The following LRP1B variants were observed in gnomAD, a reference collection of about 807,000 sequenced individuals.
The protein encoded by LRP1B is LDL receptor related protein 1B.
LRP1B carries 217 observed loss-of-function variants against 556.6 expected under a neutral mutation model. That is an observed-to-expected ratio of 0.39 (90% CI 0.35 to 0.44). The LOEUF is 0.44. LRP1B is among the 20% of genes least tolerant of loss of function. The probability of loss-of-function intolerance (pLI) is 1.00; values close to 1 mark genes in which losing one functional copy is unlikely to be tolerated. For synonymous variants in LRP1B, 2,047 were observed against 1,865.8 expected (o/e 1.10, Z -2.50); for missense variants, 5,053 against 5,620.8 (o/e 0.90, Z 3.23).
intron 52 of LRP1B, 55 bp downstream of exon 52, chr2:140,509,873 A>G (rs2104916210): frequency 6.3e-7 from 1 of 1,579,532 alleles, no homozygotes; most frequent in Non-Finnish European, 8.6e-7. Context: ...AAAACAAATA[A>G]CCAAGGATGC....
chr2:140,530,931 T>A (rs1224016507), intron 47 of LRP1B, among the ~76,000 whole-genome samples: 6 of 152,164 alleles, frequency 3.9e-5, no homozygotes. Context: ...CTATTTGAGT[T>A]ATTTTATTGT....
chr2:140,911,415 G>C (rs539978472), intron 21 of LRP1B, among the ~76,000 whole-genome samples: 1 of 151,522 alleles, frequency 6.6e-6, no homozygotes. Context: ...TTCTTCTACC[G>C]TATACTTCGG....
intron 11 of LRP1B, among the ~76,000 whole-genome samples, chr2:141,044,625 C>T (rs1318543951): frequency 6.6e-6 from 1 of 151,898 alleles, no homozygotes; most frequent in Admixed American, 6.6e-5. Flanking sequence ...TGAACAGACA[C>T]TTCTCAAAAG....
chr2:140,328,485 A>G (rs938502055), intron 79 of LRP1B, among the ~76,000 whole-genome samples: 1 of 150,444 alleles, frequency 6.6e-6, no homozygotes, highest in Non-Finnish European at 1.5e-5. Flanking sequence ...AGAAAAAAAA[A>G]AAGAAAATGA....
chr2:140,759,811 C>T (rs960878272), intron 35 of LRP1B, among the ~76,000 whole-genome samples: 4 of 152,114 alleles, frequency 2.6e-5, no homozygotes, highest in African/African-American at 4.8e-5. Flanking sequence ...GTGATATACA[C>T]GAAGGTGTGT....
chr2:140,321,532 GTTTCTAAATTAATTCTCAA>G (rs1306618292), intron 82 of LRP1B, among the ~76,000 whole-genome samples: 1 of 151,832 alleles, frequency 6.6e-6, no homozygotes, highest in African/African-American at 2.4e-5. Flanking sequence ...CTAAAATTTG[GTTTCTAAATTAATTCTCAA>G]TTTCTAAGTT....
chr2:141,475,012 T>G (rs1682644027), intron 3 of LRP1B, among the ~76,000 whole-genome samples: 1 of 152,214 alleles, frequency 6.6e-6, no homozygotes, highest in South Asian at 2.1e-4. Flanking sequence ...GAACTTTCTA[T>G]ATTCTTTTAA....
At chr2:141,590,468 T>C (rs1369891756) in intron 2 of LRP1B, among the ~76,000 whole-genome samples, 1 of 152,144 alleles carries the variant, frequency 6.6e-6, no homozygotes, top group Non-Finnish European at 1.5e-5. Context: ...GAAGACAAGT[T>C]TGATTTTAAG....
At chr2:140,434,465 A>G (rs1416494349) in intron 66 of LRP1B, among the ~76,000 whole-genome samples, 1 of 152,208 alleles carries the variant, frequency 6.6e-6, no homozygotes, top group Non-Finnish European at 1.5e-5. Context: ...AAGATTTTGG[A>G]GAAATAAAAA....
rs907122119 is a variant in LRP1B, at chr2:141,229,365, T to C, written c.668A>G (p.Lys223Arg). 5.6e-6 allele frequency: 9 copies of C among 1,611,326 alleles called. No individual in the cohort carries two copies. The Admixed American group carries it at 1.5e-4, about 27-fold the overall frequency. Residue 223 changes from lysine (K) to arginine (R), a missense_variant, in exon 6 of 91, where the codon AAA becomes AGA. Coordinates refer to ENST00000389484, the MANE Select transcript of LRP1B (RefSeq NM_018557.3). The stretch of plus-strand genomic sequence containing the variant: ...ATTGACTGAGCTTAGAGTTGCCATT[T>C]TACTTCCATTAAGATAGAAAACCTC... Reference protein sequence around the residue: ...TIEVFYLNGSKMATLSSVNGN... With the variant: ...TIEVFYLNGSRMATLSSVNGN...
chr2:140,623,859 C>T (rs1217170692), intron 41 of LRP1B, among the ~76,000 whole-genome samples: 1 of 150,938 alleles, frequency 6.6e-6, no homozygotes, highest in Non-Finnish European at 1.5e-5. Flanking sequence ...GCGGAGGTTG[C>T]AGTGAGTCGA....
At chr2:141,480,156 AATTTGTGTGTGTGT>A (rs1198621039) in intron 3 of LRP1B, among the ~76,000 whole-genome samples, 1 of 127,592 alleles carries the variant, frequency 7.8e-6, no homozygotes, top group Non-Finnish European at 1.6e-5. Flanking sequence ...TCAAAGTCTA[AATTTGTGTGTGTGT>A]GTGTGTGTGT....
intron 50 of LRP1B, among the ~76,000 whole-genome samples, chr2:140,515,020 C>G (rs1283671149): frequency 6.6e-6 from 1 of 151,918 alleles, no homozygotes; most frequent in East Asian, 1.9e-4. Flanking sequence ...TTGAGGTAGT[C>G]CTAATGCGGT....
At chr2:141,727,961 C>T (rs930139955) in intron 2 of LRP1B, among the ~76,000 whole-genome samples, 2 of 151,976 alleles carry the variant, frequency 1.3e-5, no homozygotes, top group African/African-American at 2.4e-5. Context: ...TTTTGGTAAG[C>T]GCTTTCTTAT....
chr2:140,395,706 G>A (rs1684218097), intron 66 of LRP1B, among the ~76,000 whole-genome samples: 1 of 152,204 alleles, frequency 6.6e-6, no homozygotes, highest in African/African-American at 2.4e-5. Flanking sequence ...TCTTTATAAA[G>A]AGGTGAATCT....
chr2:140,488,464 C>T lies in LRP1B; in HGVS notation c.9121-725G>A, dbSNP rs185928803. Among the ~76,000 whole-genome samples the T allele has an allele frequency of 4.6e-5, 7 of 152,036 alleles. No homozygotes were observed. In the East Asian group the frequency reaches 1.2e-3, roughly 25 times the overall value. On this transcript the variant is annotated intron_variant, in intron 57 of 90. Coordinates refer to ENST00000389484, the MANE Select transcript of LRP1B (RefSeq NM_018557.3). Reference sequence around the variant, plus strand: ...TTTTAGCAGGCAGCAAAACAGAACACAAATTCAATTGATGGGTTTCTGGAT... The same window carrying T: ...TTTTAGCAGGCAGCAAAACAGAACATAAATTCAATTGATGGGTTTCTGGAT...
intron 35 of LRP1B, among the ~76,000 whole-genome samples, chr2:140,731,109 A>G (rs1449322098): frequency 6.6e-6 from 1 of 152,168 alleles, no homozygotes; most frequent in Middle Eastern, 3.2e-3. Context: ...TATTACTCAG[A>G]CATTAAGACT....
At chr2:140,451,900 T>C (rs537243745) in intron 62 of LRP1B, among the ~76,000 whole-genome samples, 1 of 152,258 alleles carries the variant, frequency 6.6e-6, no homozygotes, top group African/African-American at 2.4e-5. Context: ...TGTTGTATTA[T>C]CCTTTCCACT....
chr2:140,881,378 T>C (rs1037041436), intron 25 of LRP1B, among the ~76,000 whole-genome samples: 1 of 152,026 alleles, frequency 6.6e-6, no homozygotes, highest in African/African-American at 2.4e-5. Context: ...GCCAATAAAC[T>C]TGAAAATATT....
Sources: gnomAD v4.1 joint callset for allele counts (sites outside exome capture counted in the v4.1 genomes callset) on GRCh38, gnomAD v4.1.1 for gene constraint, MANE v1.5 for transcripts, NCBI Gene and HGNC (gene_info 2026-07-23, HGNC 2026-07-21) for gene names.